ESRRG: variants seen among roughly 807,000 people sequenced by gnomAD.
ESRRG encodes estrogen-related receptor gamma.
A neutral mutation model predicts 44.0 loss-of-function variants in ESRRG; 13 were observed. The ratio of observed to expected loss-of-function variants is 0.30; its 90% CI spans 0.19 to 0.47. The LOEUF (loss-of-function observed/expected upper bound fraction) is 0.47, where lower values mean the gene tolerates loss of function less well. Ranked by LOEUF, ESRRG falls within the 20% of genes least tolerant of loss-of-function variation. The probability of loss-of-function intolerance (pLI) is 1.00; values close to 1 mark genes in which losing one functional copy is unlikely to be tolerated. For synonymous variants in ESRRG, 215 were observed against 214.6 expected, an observed-to-expected ratio of 1.00 and a Z score of -0.02; for missense variants, 395 against 580.6, an observed-to-expected ratio of 0.68 and a Z score of 3.29.
intron 1 of ESRRG, among the ~76,000 whole-genome samples, chr1:216,995,610 G>T (rs2076275666): frequency 6.6e-6 from 1 of 152,100 alleles, no homozygotes; most frequent in African/African-American, 2.4e-5. Flanking sequence ...CTTCCAGAGG[G>T]TATCCTGATC....
At chr1:216,983,037 T>G (rs78009454) in intron 1 of ESRRG, among the ~76,000 whole-genome samples, 16 of 150,848 alleles carry the variant, frequency 1.1e-4, no homozygotes, top group African/African-American at 3.6e-4. Context: ...AACTGTTTTT[T>G]TTTTTTTTTT....
rs1339216 is a variant in ESRRG, at chr1:216,975,298, C to A, written c.-105-35625G>T. 2.0e-4 allele frequency among the ~76,000 whole-genome samples: 31 copies of A among 152,128 alleles called. No homozygotes were observed. The South Asian group carries it at 5.8e-3, about 28-fold the overall frequency. On this transcript the variant is annotated intron_variant, in intron 1 of 7. Transcript: ENST00000359162. ...TTTCAATGTCCTCTCTCTTACCAAC[C>A]ATTTTAAATACAATGATCTGGTCAG...
chr1:216,658,117 A>G (rs562468936), intron 2 of ESRRG, among the ~76,000 whole-genome samples: 34 of 152,234 alleles, frequency 2.2e-4, no homozygotes, highest in African/African-American at 7.9e-4. Flanking sequence ...GTTTCATCCT[A>G]CAGTGTCCTG....
At chr1:216,894,671 G>A (rs1226526327) in intron 2 of ESRRG, among the ~76,000 whole-genome samples, 1 of 152,092 alleles carries the variant, frequency 6.6e-6, no homozygotes, top group East Asian at 1.9e-4. Context: ...GAGGCAGTAT[G>A]GGGAGGGAGG....
At chr1:216,623,592 G>A (rs1282918580) in intron 3 of ESRRG, among the ~76,000 whole-genome samples, 1 of 152,030 alleles carries the variant, frequency 6.6e-6, no homozygotes, top group Non-Finnish European at 1.5e-5. Context: ...ACTTCTGAGG[G>A]TGTAAGGAAA....
At chr1:216,872,133 C>T (rs907235657) in intron 2 of ESRRG, among the ~76,000 whole-genome samples, 1 of 152,134 alleles carries the variant, frequency 6.6e-6, no homozygotes, top group African/African-American at 2.4e-5. Context: ...TCACTTCCTT[C>T]TACCCTCTAT....
rs147350007 is a variant in ESRRG at position 216,928,725 on chromosome 1, A to T, written c.-14+10857T>A. The stretch of plus-strand genomic sequence containing the variant: ...AATCCAAATATTAATCAACAAACAA[A>T]TGGAAAAACAAAATGTGGTCGCTAC... On this transcript the variant is annotated intron_variant, in intron 2 of 7. Coordinates refer to the ESRRG transcript ENST00000359162. Among the ~76,000 whole-genome samples the T allele has an allele frequency of 1.6e-3, 250 of 152,332 alleles. 1 individual carries two copies. The highest frequency in any genetic ancestry group is 5.6e-3 in the African/African-American group (232 of 41,582).
In ESRRG at chr1:216,519,321, C is replaced by T. The variant is rs781648683; in HGVS notation, c.963G>A (p.Glu321=). ...LGVVYRSLSF[E]DELVYADDYI... ...AATCGTCTGCATAGACAAGTTCATC[C>T]TCAAACGAAAGAGACCGGTATACGA... Residue 321 remains glutamate, a synonymous_variant, in exon 6 of 7, where the codon GAG becomes GAA. Transcript: ENST00000408911. The T allele has an allele frequency of 1.4e-5, 22 of 1,613,718 alleles. No homozygotes were observed. In the African/African-American group the frequency reaches 2.8e-4, roughly 21 times the overall value.
intron 2 of ESRRG, among the ~76,000 whole-genome samples, chr1:216,736,760 T>C (rs993224932): frequency 5.9e-5 from 9 of 152,050 alleles, no homozygotes; most frequent in Admixed American, 5.2e-4. Context: ...ACACAAATGA[T>C]TAGGCTCCAC....
chr1:216,692,071 T>G lies in ESRRG; in HGVS notation c.57-14580A>C, dbSNP rs1187297336. Among the ~76,000 whole-genome samples the G allele has an allele frequency of 3.3e-5, 5 of 152,260 alleles. No individual in the cohort carries two copies. In the South Asian group the frequency reaches 6.2e-4, roughly 19 times the overall value. On this transcript the variant is annotated intron_variant, in intron 1 of 6. Transcript: ENST00000408911. ...TTACTGGTTTATGTATTTACTATAC[T>G]TTTTAATCATTATTTTAGAGTGTAC...
intron 1 of ESRRG, among the ~76,000 whole-genome samples, chr1:216,705,275 C>T (rs1466830065): frequency 6.6e-6 from 1 of 151,394 alleles, no homozygotes; most frequent in Admixed American, 6.6e-5. Context: ...TGGTAGCCAA[C>T]TAAAATATTC....
intron 2 of ESRRG, among the ~76,000 whole-genome samples, chr1:216,875,107 G>T (rs2096328281): frequency 6.6e-6 from 1 of 152,136 alleles, no homozygotes. Context: ...GATCATGTGA[G>T]TCAATTCTCC....
intron 1 of ESRRG, among the ~76,000 whole-genome samples, chr1:216,684,795 C>G (rs1366648030): frequency 6.6e-6 from 1 of 152,182 alleles, no homozygotes; most frequent in African/African-American, 2.4e-5. Flanking sequence ...CACTCAAAAA[C>G]TGTAACAGTA....
chr1:216,937,920 T>A lies in ESRRG; in HGVS notation c.-14+1662A>T, dbSNP rs561505188. 3.3e-5 allele frequency among the ~76,000 whole-genome samples: 5 copies of A among 151,252 alleles called. No homozygotes were observed. In the East Asian group the frequency reaches 7.7e-4, roughly 23 times the overall value. ...ACTGAAATTGGCCTGCTTTATTATT[T>A]TTTTTTTTCTTTACGTACTCTGGAG... is the stretch of plus-strand genomic sequence containing the variant. On this transcript the variant is annotated intron_variant, in intron 2 of 7. Transcript: ENST00000359162.
At chr1:216,935,741 C>T (rs201569882) in intron 2 of ESRRG, among the ~76,000 whole-genome samples, 5 of 152,058 alleles carry the variant, frequency 3.3e-5, no homozygotes, top group South Asian at 4.2e-4. Context: ...CTCAGCCTCC[C>T]GAGTAGCTGG....
At chr1:216,825,221 T>C (rs892598159) in intron 2 of ESRRG, among the ~76,000 whole-genome samples, 77 of 152,178 alleles carry the variant, frequency 5.1e-4, no homozygotes, top group Non-Finnish European at 7.6e-4. Context: ...GACAAGTCCT[T>C]CTTCCACAAC....
chr1:216,572,284 C>T (rs1245869463), intron 3 of ESRRG, among the ~76,000 whole-genome samples: 1 of 151,986 alleles, frequency 6.6e-6, no homozygotes, highest in East Asian at 1.9e-4. Context: ...AAACACCACC[C>T]AGTAAAACCA....
At chr1:217,045,811 C>T (rs549886684) in intron 1 of ESRRG, among the ~76,000 whole-genome samples, 16 of 152,216 alleles carry the variant, frequency 1.1e-4, no homozygotes, top group South Asian at 1.0e-3. Flanking sequence ...CTCCCTTGGG[C>T]GCTTTCCCTC....
At chr1:216,949,159 C>T (rs2066551663) in intron 1 of ESRRG, among the ~76,000 whole-genome samples, 1 of 152,158 alleles carries the variant, frequency 6.6e-6, no homozygotes, top group East Asian at 1.9e-4. Context: ...TTTTGACCAG[C>T]CACATCCATC....
Sources: allele counts gnomAD v4.1 joint callset (sites outside exome capture counted in the v4.1 genomes callset), GRCh38; gene constraint gnomAD v4.1.1; transcripts MANE v1.5; gene names NCBI Gene and HGNC (gene_info 2026-07-23, HGNC 2026-07-21).